RGPD8: variants seen among roughly 807,000 people sequenced by gnomAD.
The protein encoded by RGPD8 is RANBP2-like and GRIP domain-containing protein 8.
Under a neutral mutation model 89.1 loss-of-function variants are expected in RGPD8, and 15 were observed. The ratio of observed to expected loss-of-function variants is 0.17; its 90% CI spans 0.11 to 0.26. The LOEUF is 0.26. Among genes scored for constraint, RGPD8 ranks in the 10% least tolerant of loss-of-function variants. The probability of loss-of-function intolerance (pLI) is 1.00; values close to 1 mark genes in which losing one functional copy is unlikely to be tolerated. For synonymous variants in RGPD8, 62 were observed against 420.9 expected, an observed-to-expected ratio of 0.15 and a Z score of 10.44; for missense variants, 178 against 1,179.6, an observed-to-expected ratio of 0.15 and a Z score of 12.44.
chr2:112,370,243 G>C, intron 22 of RGPD8, 31 bp from the exon 23 acceptor site: 2 of 1,267,556 alleles, frequency 1.6e-6, no homozygotes. Flanking sequence ...AAAAAAAAAA[G>C]AAAAAAGAGA....
chr2:112,411,069 A>C (rs1328730762), intron 7 of RGPD8, among the ~76,000 whole-genome samples: 1 of 152,236 alleles, frequency 6.6e-6, no homozygotes, highest in Admixed American at 6.5e-5. Flanking sequence ...GGGCAACAAG[A>C]GCAAAACTCC....
At chr2:112,426,174 T>C (rs1348796986) in intron 1 of RGPD8, among the ~76,000 whole-genome samples, 1 of 152,194 alleles carries the variant, frequency 6.6e-6, no homozygotes, top group Non-Finnish European at 1.5e-5. Flanking sequence ...ATATGGCTTC[T>C]CTCTGGCATA....
At chr2:112,382,244 GCATCCATCCATCCATCC>G (rs1419262691) in intron 20 of RGPD8, among the ~76,000 whole-genome samples, 1 of 152,264 alleles carries the variant, frequency 6.6e-6, no homozygotes, top group East Asian at 1.9e-4. Flanking sequence ...TACTTAATAA[GCATCCATCCATCCATCC>G]CATCCATCCA....
At position 112,410,912 on chromosome 2, in the gene RGPD8, C is replaced by T. The variant is rs1184179378; in HGVS notation, c.978+1519G>A. ...ACCAGCCTGACCAACATGGAGAAAC[C>T]TCGTCTCTACTAAAAACACAAAATT... On this transcript the variant is annotated intron_variant, in intron 7 of 22. Transcript: ENST00000302558. Among the ~76,000 whole-genome samples the T allele has an allele frequency of 6.6e-5, 10 of 152,378 alleles. No homozygotes were observed. The East Asian group carries it at 1.7e-3, about 26-fold the overall frequency.
chr2:112,431,992 CTA>C (rs1354537040), intron 1 of RGPD8, among the ~76,000 whole-genome samples: 3 of 152,186 alleles, frequency 2.0e-5, no homozygotes, highest in Non-Finnish European at 4.4e-5. Flanking sequence ...ACATTTAGTG[CTA>C]TGTGTCAAGC....
chr2:112,427,311 C>G (rs1395852007), intron 1 of RGPD8, among the ~76,000 whole-genome samples: 1 of 152,164 alleles, frequency 6.6e-6, no homozygotes, highest in Non-Finnish European at 1.5e-5. Context: ...TCTTTTGCCT[C>G]TAACCTGCTC....
intron 1 of RGPD8, among the ~76,000 whole-genome samples, chr2:112,432,220 T>C (rs1379031957): frequency 6.6e-6 from 1 of 152,244 alleles, no homozygotes; most frequent in Non-Finnish European, 1.5e-5. Flanking sequence ...AAAGTCTTAT[T>C]GAATCCAAAA....
chr2:112,374,743 C>G (rs1678066316), intron 22 of RGPD8, among the ~76,000 whole-genome samples: 2 of 136,812 alleles, frequency 1.5e-5, no homozygotes, highest in African/African-American at 5.1e-5. Context: ...CTTGTCTCTC[C>G]TTTTAGAACT....
At chr2:112,410,842 T>G (rs532121872) in intron 7 of RGPD8, among the ~76,000 whole-genome samples, 2 of 152,390 alleles carry the variant, frequency 1.3e-5, no homozygotes, top group East Asian at 3.9e-4. Context: ...TCCCAGCACT[T>G]TGAGAGGCCG....
chr2:112,387,357 T>C (rs1166827598), intron 20 of RGPD8, among the ~76,000 whole-genome samples: 1 of 130,838 alleles, frequency 7.6e-6, no homozygotes, highest in East Asian at 2.0e-4. Context: ...TTTTTGTTTT[T>C]TGTTTTTTGT....
At chr2:112,423,855 T>C (rs1246232016) in intron 2 of RGPD8, among the ~76,000 whole-genome samples, 1 of 152,252 alleles carries the variant, frequency 6.6e-6, no homozygotes, top group African/African-American at 2.4e-5. Context: ...TACAAGCTAT[T>C]CTCCTGCCTT....
chr2:112,415,978 T>G (rs1309983786), intron 6 of RGPD8, among the ~76,000 whole-genome samples: 2 of 151,846 alleles, frequency 1.3e-5, no homozygotes, highest in East Asian at 3.9e-4. Flanking sequence ...TGGTCCCAGC[T>G]ACTTGGGAGG....
At chr2:112,374,940 G>A (rs1678080339) in intron 22 of RGPD8, among the ~76,000 whole-genome samples, 2 of 131,534 alleles carry the variant, frequency 1.5e-5, no homozygotes, top group East Asian at 2.5e-4. Flanking sequence ...TCGGCTCACT[G>A]CAACCTCTGC....
chr2:112,430,295 T>C (rs1445784881), intron 1 of RGPD8, among the ~76,000 whole-genome samples: 3 of 152,140 alleles, frequency 2.0e-5, no homozygotes, highest in Non-Finnish European at 4.4e-5. Flanking sequence ...CTGCCTCTTC[T>C]CCCTCCATTC....
In RGPD8 at chr2:112,390,524, G is replaced by T. The variant is rs1277461312; in HGVS notation, c.2698-277C>A. ...TATAAGGCAACTGATGCACTGAGAG[G>T]TTAAGAAACTTGCCTGTGGTCAAAA... On this transcript the variant is annotated intron_variant, in intron 19 of 22. Transcript: ENST00000302558. Among the ~76,000 whole-genome samples the T allele has an allele frequency of 3.7e-4, 53 of 144,572 alleles. 5 individuals carry two copies. The highest frequency in any genetic ancestry group is 6.7e-4 in the Non-Finnish European group (44 of 65,192). The allele number at this position is 144,572 out of a possible 152,430, so 94.8% of individuals were successfully genotyped here.
chr2:112,429,629 T>G (rs1293448475), intron 1 of RGPD8, among the ~76,000 whole-genome samples: 1 of 151,794 alleles, frequency 6.6e-6, no homozygotes, highest in African/African-American at 2.4e-5. Context: ...GCCCAAAAAT[T>G]TGATGAGCAA....
chr2:112,416,108 A>AAAAG (rs1174501949), intron 6 of RGPD8, among the ~76,000 whole-genome samples: 10 of 146,364 alleles, frequency 6.8e-5, no homozygotes, highest in Admixed American at 2.7e-4. Flanking sequence ...AAAAAAAAAA[A>AAAAG]AAAGAAAGAA....
intron 22 of RGPD8, among the ~76,000 whole-genome samples, chr2:112,373,065 A>G (rs1254093404): frequency 6.8e-6 from 1 of 147,704 alleles, no homozygotes; most frequent in Non-Finnish European, 1.5e-5. Context: ...TTAGTAGTAA[A>G]ATTGAGATTC....
intron 9 of RGPD8, among the ~76,000 whole-genome samples, chr2:112,402,398 T>C (rs1678896303): frequency 7.1e-6 from 1 of 141,400 alleles, no homozygotes; most frequent in Non-Finnish European, 1.5e-5. Flanking sequence ...TCCCAGCTAC[T>C]TGGGAGGCCG....
Sources: gnomAD v4.1 joint callset for allele counts (sites outside exome capture counted in the v4.1 genomes callset) on GRCh38, gnomAD v4.1.1 for gene constraint, MANE v1.5 for transcripts, NCBI Gene and HGNC (gene_info 2026-07-23, HGNC 2026-07-21) for gene names.